Variants in TMPRSS11F observed in about 807,000 individuals in gnomAD.
The protein encoded by TMPRSS11F is transmembrane protease serine 11F.
TMPRSS11F carries 47 observed loss-of-function variants against 60.2 expected under a neutral mutation model. That is an observed-to-expected ratio of 0.78 (90% CI 0.62 to 1.00). The LOEUF (loss-of-function observed/expected upper bound fraction) is 1.00, where lower values mean the gene tolerates loss of function less well. Among genes scored for constraint, TMPRSS11F ranks in the 50% least tolerant of loss-of-function variants. The probability of loss-of-function intolerance (pLI) is 0.00; values close to 1 mark genes in which losing one functional copy is unlikely to be tolerated. For missense variants in TMPRSS11F, 519 were observed against 522.9 expected (o/e 0.99, Z 0.07); for synonymous variants, 166 against 167.3 (o/e 0.99, Z 0.06).
chr4:68,122,341 A>C (rs1376072542), intron 1 of TMPRSS11F, among the ~76,000 whole-genome samples: 1 of 152,166 alleles, frequency 6.6e-6, no homozygotes, highest in Non-Finnish European at 1.5e-5. Context: ...CTCTATTTGC[A>C]TGAAAATCCA....
intron 8 of TMPRSS11F, among the ~76,000 whole-genome samples, chr4:68,064,413 C>T (rs1723276661): frequency 6.6e-6 from 1 of 152,118 alleles, no homozygotes; most frequent in Admixed American, 6.6e-5. Flanking sequence ...TCTTGAACTC[C>T]TGACCTCAGG....
chr4:68,106,572 AG>A (rs1313153588), intron 1 of TMPRSS11F, among the ~76,000 whole-genome samples: 2 of 152,198 alleles, frequency 1.3e-5, no homozygotes, highest in African/African-American at 4.8e-5. Context: ...AGAAGCATCA[AG>A]AATTGGCAAA....
At chr4:68,104,606 G>A (rs1724262307) in intron 1 of TMPRSS11F, among the ~76,000 whole-genome samples, 1 of 152,168 alleles carries the variant, frequency 6.6e-6, no homozygotes, top group Admixed American at 6.6e-5. Context: ...GCAGAACTGT[G>A]AGTCAATTAC....
Position 68,053,803 on chromosome 4 carries a change from G to T in TMPRSS11F, c.*106C>A. ...TTTGTCTGGGTCTGAAGGGCTTCTT[G>T]ACATCTAGCAAAAGCACTAATCCAA... On this transcript the variant is annotated 3_prime_UTR_variant, in exon 10 of 10. Transcript: ENST00000356291. 2 of 1,192,672 alleles carry T rather than the reference G, an allele frequency of 1.7e-6. No individual in the cohort carries two copies. The highest frequency in any genetic ancestry group is 1.6e-5 in the South Asian group (1 of 61,324). 73.9% of individuals were successfully genotyped at this position (1,192,672 alleles called of 1,614,324 possible). A position where few individuals can be genotyped will look rare whatever the true frequency, so the allele number is the denominator to read the frequency against.
chr4:68,064,588 A>T (rs1401049989), intron 8 of TMPRSS11F, 97 bp downstream of exon 8: 16 of 1,367,876 alleles, frequency 1.2e-5, no homozygotes, highest in African/African-American at 2.9e-5. Flanking sequence ...AAAGACCATT[A>T]CTTTTATTAA....
At chr4:68,076,749 C>T (rs1345183890) in intron 3 of TMPRSS11F, among the ~76,000 whole-genome samples, 1 of 152,162 alleles carries the variant, frequency 6.6e-6, no homozygotes, top group African/African-American at 2.4e-5. Context: ...CAAGATAGCA[C>T]CAATCTTCCA....
chr4:68,091,761 C>CTATCTA lies in TMPRSS11F; in HGVS notation c.164-1121_164-1120insTAGATA, dbSNP rs1298593698. On this transcript the variant is annotated intron_variant, in intron 2 of 9. Transcript: ENST00000356291. Reference sequence around the variant, plus strand: ...TTTAATCTCTAATCTCTCTCTCTCTCTCTCTCTCTCTCTCTCTCTCTCTAT... The same window carrying CTATCTA: ...TTTAATCTCTAATCTCTCTCTCTCTCTATCTATCTCTCTCTCTCTCTCTCTCTCTAT... 1.6e-3 allele frequency among the ~76,000 whole-genome samples: 181 copies of CTATCTA among 110,690 alleles called. 2 individuals are homozygous for CTATCTA. The highest frequency in any genetic ancestry group is 6.2e-3 in the African/African-American group (174 of 28,138). The allele number at this position is 110,690 out of a possible 152,430, so 72.6% of individuals were successfully genotyped here. A position where few individuals can be genotyped will look rare whatever the true frequency, so the allele number is the denominator to read the frequency against.
chr4:68,111,769 C>T (rs1724413717), intron 1 of TMPRSS11F, among the ~76,000 whole-genome samples: 2 of 152,010 alleles, frequency 1.3e-5, no homozygotes, highest in South Asian at 2.1e-4. Context: ...ATTTAATAGC[C>T]TCATTTAATG....
rs1722987920 is a variant in TMPRSS11F, at chr4:68,053,791, G to C, written c.*118C>G. 3 of 1,043,302 alleles carry C rather than the reference G, an allele frequency of 2.9e-6. No individual in the cohort carries two copies. In the Admixed American group the frequency reaches 7.2e-5, roughly 25 times the overall value. The allele number at this position is 1,043,302 out of a possible 1,614,324, so 64.6% of individuals were successfully genotyped here. A position where few individuals can be genotyped will look rare whatever the true frequency, so the allele number is the denominator to read the frequency against. ...CAGGATATTAGATTTGTCTGGGTCT[G>C]AAGGGCTTCTTGACATCTAGCAAAA... On this transcript the variant is annotated 3_prime_UTR_variant, in exon 10 of 10. Coordinates refer to ENST00000356291, the MANE Select transcript of TMPRSS11F (RefSeq NM_207407.2).
At chr4:68,103,113 C>A (rs1199026475) in intron 1 of TMPRSS11F, among the ~76,000 whole-genome samples, 1 of 151,048 alleles carries the variant, frequency 6.6e-6, no homozygotes, top group East Asian at 2.0e-4. Flanking sequence ...ACTATCCTTT[C>A]CTTATTGTGT....
chr4:68,064,693 A>G lies in TMPRSS11F; in HGVS notation c.1007T>C (p.Val336Ala), dbSNP rs1418040203. 2 of 1,613,802 alleles carry G rather than the reference A, an allele frequency of 1.2e-6. No homozygotes were observed. The highest frequency in any genetic ancestry group is 1.3e-5 in the African/African-American group (1 of 74,930). ...AGGTTGAAACTGCTCACCATCATCT[A>G]CAATGGATCCAAATCCTGTGACGAA... ...SVFVTGFGSI[V>A]DDGPIQNTLR... Residue 336 changes from valine (V) to alanine (A), a missense_variant, in exon 8 of 10, where the codon GTA (valine) becomes GCA (alanine). Coordinates refer to ENST00000356291, the MANE Select transcript of TMPRSS11F (RefSeq NM_207407.2).
At position 68,075,255 on chromosome 4, in the gene TMPRSS11F, T is replaced by A. The variant is rs561473441; in HGVS notation, c.283-1246A>T. Reference sequence around the variant, plus strand: ...CTCATTGCTATGGTCTCAAATCAGCTCCTTAGAAACTTGTATTTGGGCCTT... The same window carrying A: ...CTCATTGCTATGGTCTCAAATCAGCACCTTAGAAACTTGTATTTGGGCCTT... On this transcript the variant is annotated intron_variant, in intron 3 of 9. Coordinates refer to ENST00000356291, the MANE Select transcript of TMPRSS11F (RefSeq NM_207407.2). Among the ~76,000 whole-genome samples the A allele has an allele frequency of 1.7e-3, 253 of 152,300 alleles. 1 individual carries two copies. Among genetic ancestry groups the A allele is most frequent in the African/African-American group, 5.9e-3 (245 of 41,574 alleles).
intron 1 of TMPRSS11F, among the ~76,000 whole-genome samples, chr4:68,107,490 G>C (rs1724325419): frequency 6.6e-6 from 1 of 152,136 alleles, no homozygotes; most frequent in Non-Finnish European, 1.5e-5. Flanking sequence ...GTAACTATCT[G>C]AGGGGAAAAT....
intron 1 of TMPRSS11F, among the ~76,000 whole-genome samples, chr4:68,101,949 A>C (rs1459457283): frequency 6.6e-6 from 1 of 152,074 alleles, no homozygotes; most frequent in African/African-American, 2.4e-5. Context: ...TCCATCCTAC[A>C]TATCTGCTAC....
chr4:68,086,533 C>T (rs1334780148), intron 3 of TMPRSS11F, among the ~76,000 whole-genome samples: 3 of 151,818 alleles, frequency 2.0e-5, no homozygotes. Flanking sequence ...CAGAGCAGAA[C>T]AAAACTAAAT....
chr4:68,104,896 T>G (rs1251981506), intron 1 of TMPRSS11F, among the ~76,000 whole-genome samples: 2 of 151,924 alleles, frequency 1.3e-5, no homozygotes, highest in African/African-American at 4.8e-5. Flanking sequence ...GATGTGTTGC[T>G]GGACTCAGTA....
chr4:68,074,008 A>G lies in TMPRSS11F; in HGVS notation c.284T>C (p.Met95Thr). Reference sequence around the variant, plus strand: ...AGAAGAATGTCGAAATATCCTAGACATCTGATTTTTAAAAAATAAGTATTA... The same window carrying G: ...AGAAGAATGTCGAAATATCCTAGACGTCTGATTTTTAAAAAATAAGTATTA... ...IERSHQIERM[M>T]SRIFRHSSVG... The change falls in exon 4 of 10, where the codon ATG (methionine) becomes ACG (threonine). Residue 95 changes from methionine (M) to threonine (T), a missense_variant and splice_region_variant. Physicochemically the swap from Met to Thr is moderately conservative, Grantham distance 81 (BLOSUM62 -1). Coordinates refer to ENST00000356291, the MANE Select transcript of TMPRSS11F (RefSeq NM_207407.2). The G allele has an allele frequency of 1.3e-6, 2 of 1,542,658 alleles. No homozygotes were observed. The highest frequency in any genetic ancestry group is 1.7e-6 in the Non-Finnish European group (2 of 1,146,132).
chr4:68,087,830 T>C (rs1455053003), intron 3 of TMPRSS11F, among the ~76,000 whole-genome samples: 2 of 150,932 alleles, frequency 1.3e-5, no homozygotes, highest in South Asian at 2.1e-4. Flanking sequence ...TAACTCATCA[T>C]CTAGCATTAG....
Position 68,083,668 on chromosome 4 carries a change from A to T in TMPRSS11F, c.282+6855T>A, listed in dbSNP as rs1047289003. On this transcript the variant is annotated intron_variant, in intron 3 of 9. Transcript: ENST00000356291. ...GTCAAGGGAAATAAATAATAATAAT[A>T]AAAAAAGCCCCATTCAAACGACAGC... is the stretch of plus-strand genomic sequence containing the variant. 1.1e-4 allele frequency among the ~76,000 whole-genome samples: 15 copies of T among 141,012 alleles called. 1 individual carries two copies. Among genetic ancestry groups the T allele is most frequent in the African/African-American group, 2.2e-4 (7 of 32,032 alleles). The allele number at this position is 141,012 out of a possible 152,430, so 92.5% of individuals were successfully genotyped here. A position where few individuals can be genotyped will look rare whatever the true frequency, so the allele number is the denominator to read the frequency against.
Sources: gnomAD v4.1 joint callset for allele counts (sites outside exome capture counted in the v4.1 genomes callset) on GRCh38, gnomAD v4.1.1 for gene constraint, MANE v1.5 for transcripts, NCBI Gene and HGNC (gene_info 2026-07-23, HGNC 2026-07-21) for gene names.